Variants in LCMT1 observed in about 807,000 individuals in gnomAD.
LCMT1 encodes [Phosphatase 2A protein]-leucine-carboxy methyltransferase 1.
LCMT1 carries 32 observed loss-of-function variants against 47.7 expected under a neutral mutation model. The ratio of observed to expected loss-of-function variants is 0.67; its 90% confidence interval spans 0.51 to 0.90. LCMT1 has a LOEUF of 0.90. Among genes scored for constraint, LCMT1 ranks in the 40% least tolerant of loss-of-function variants. The probability of loss-of-function intolerance (pLI) is 0.00; values close to 1 mark genes in which losing one functional copy is unlikely to be tolerated. For synonymous variants in LCMT1, 152 were observed against 149.7 expected, an observed-to-expected ratio of 1.02 and a Z score of -0.11; for missense variants, 375 against 415.2, an observed-to-expected ratio of 0.90 and a Z score of 0.84.
chr16:25,138,559 T>G (rs1393000286), intron 3 of LCMT1, among the ~76,000 whole-genome samples: 1 of 151,960 alleles, frequency 6.6e-6, no homozygotes, highest in Non-Finnish European at 1.5e-5. Context: ...ATGTGTGTCT[T>G]TCATATTTGT....
rs1369951923 is a variant in LCMT1 at position 25,161,225 on chromosome 16, C to A, written c.569+21C>A. ...ACACAGTGAGATTTTTTTTTTTAAA[C>A]CTCTTCTGCATTTGTGATTTTATGC... is the stretch of plus-strand genomic sequence containing the variant. On this transcript the variant is annotated intron_variant, in intron 6 of 10. Transcript: ENST00000399069. 7.4e-6 allele frequency: 10 copies of A among 1,342,780 alleles called. No individual in the cohort carries two copies. The South Asian group carries it at 1.0e-4, about 13-fold the overall frequency. 83.2% of individuals were successfully genotyped at this position (1,342,780 alleles called of 1,614,324 possible). A position where few individuals can be genotyped will look rare whatever the true frequency, so the allele number is the denominator to read the frequency against.
At chr16:25,139,754 A>T (rs1237568886) in intron 3 of LCMT1, among the ~76,000 whole-genome samples, 6 of 151,510 alleles carry the variant, frequency 4.0e-5, no homozygotes, top group African/African-American at 1.5e-4. Context: ...ATGGCCTCAA[A>T]CTCCTGGCCT....
intron 5 of LCMT1, among the ~76,000 whole-genome samples, chr16:25,157,726 G>C (rs1331206942): frequency 6.6e-6 from 1 of 152,230 alleles, no homozygotes; most frequent in East Asian, 1.9e-4. Context: ...GGTTCATTCA[G>C]GTGGAACTTC....
chr16:25,130,636 A>T (rs561235786), intron 2 of LCMT1, among the ~76,000 whole-genome samples: 1 of 151,628 alleles, frequency 6.6e-6, no homozygotes, highest in South Asian at 2.1e-4. Flanking sequence ...ACAGAGCGAG[A>T]CCCTGTCTCA....
At chr16:25,112,547 C>G (rs1411993324) in intron 1 of LCMT1, among the ~76,000 whole-genome samples, 1 of 152,140 alleles carries the variant, frequency 6.6e-6, no homozygotes, top group African/African-American at 2.4e-5. Context: ...AGGTACGTGT[C>G]AGAGAAAGAG....
At chr16:25,118,905 G>A (rs1255682031) in intron 1 of LCMT1, among the ~76,000 whole-genome samples, 6 of 152,228 alleles carry the variant, frequency 3.9e-5, no homozygotes, top group South Asian at 2.1e-4. Context: ...GTAAGGACCC[G>A]ACTTTTCCTC....
At chr16:25,112,691 A>C (rs1005959479) in intron 1 of LCMT1, among the ~76,000 whole-genome samples, 1 of 152,256 alleles carries the variant, frequency 6.6e-6, no homozygotes, top group African/African-American at 2.4e-5. Flanking sequence ...AGAACAAGAC[A>C]GACATGGTGT....
intron 3 of LCMT1, among the ~76,000 whole-genome samples, chr16:25,133,722 A>G (rs1304224067): frequency 6.6e-6 from 1 of 151,040 alleles, no homozygotes; most frequent in Non-Finnish European, 1.5e-5. Flanking sequence ...TTAATAGCCA[A>G]ACCGTTTCCC....
intron 5 of LCMT1, among the ~76,000 whole-genome samples, chr16:25,152,777 C>T (rs1455161605): frequency 6.6e-6 from 1 of 152,170 alleles, no homozygotes; most frequent in Non-Finnish European, 1.5e-5. Flanking sequence ...ATCTGCTTCA[C>T]TCAATTCTGC....
intron 6 of LCMT1, among the ~76,000 whole-genome samples, chr16:25,162,434 CA>C (rs1170316373): frequency 6.6e-6 from 1 of 151,324 alleles, no homozygotes; most frequent in African/African-American, 2.4e-5. Flanking sequence ...ACTAAAAATA[CA>C]AAAAATCAGC....
intron 1 of LCMT1, among the ~76,000 whole-genome samples, chr16:25,120,470 G>T (rs1233459640): frequency 6.6e-6 from 1 of 151,172 alleles, no homozygotes; most frequent in Non-Finnish European, 1.5e-5. Flanking sequence ...TGTCACCCAG[G>T]CTGGAGTACA....
At chr16:25,175,619 C>T (rs545379720) in intron 10 of LCMT1, among the ~76,000 whole-genome samples, 9 of 152,080 alleles carry the variant, frequency 5.9e-5, no homozygotes, top group South Asian at 2.1e-4. Context: ...GCAAGAAGAG[C>T]GAAACCCTGT....
intron 8 of LCMT1, 76 bp from the exon 9 acceptor site, chr16:25,170,638 A>T: frequency 2.6e-6 from 3 of 1,175,588 alleles, no homozygotes; most frequent in Non-Finnish European, 3.8e-6. Flanking sequence ...TCTTTAAAAC[A>T]AAACAGTGTC....
At chr16:25,154,656 T>G (rs1961186834) in intron 5 of LCMT1, among the ~76,000 whole-genome samples, 1 of 151,800 alleles carries the variant, frequency 6.6e-6, no homozygotes, top group Non-Finnish European at 1.5e-5. Context: ...CCGGCTAATT[T>G]TTTTTGTATT....
At chr16:25,148,410 G>C (rs943939089) in intron 4 of LCMT1, among the ~76,000 whole-genome samples, 12 of 152,340 alleles carry the variant, frequency 7.9e-5, no homozygotes, top group Non-Finnish European at 1.3e-4. Context: ...AACAGACAGA[G>C]AAAAGCTCAC....
At position 25,151,798 on chromosome 16, in the gene LCMT1, C is replaced by G. The variant is rs61545721; in HGVS notation, c.466+183C>G. Reference sequence around the variant, plus strand: ...GGAAAGGAGAGCTTGCTTTCTCAGACAGGGTTGAGCCTGCAGGGTGGCCAT... The same window carrying G: ...GGAAAGGAGAGCTTGCTTTCTCAGAGAGGGTTGAGCCTGCAGGGTGGCCAT... On this transcript the variant is annotated intron_variant, in intron 5 of 10. Transcript: ENST00000399069. 8.8e-3 allele frequency among the ~76,000 whole-genome samples: 1,330 copies of G among 151,826 alleles called. 20 individuals are homozygous for G. The highest frequency in any genetic ancestry group is 0.031 in the African/African-American group (1,268 of 41,358).
chr16:25,168,708 T>C (rs1327733113), intron 7 of LCMT1, among the ~76,000 whole-genome samples: 1 of 152,246 alleles, frequency 6.6e-6, no homozygotes, highest in Non-Finnish European at 1.5e-5. Context: ...TTCATGTCTA[T>C]ATCTGTCTTC....
At chr16:25,177,875 GA>G in intron 10 of LCMT1, 125 bp from the exon 11 acceptor site, 1 of 770,158 alleles carries the variant, frequency 1.3e-6, no homozygotes, top group Non-Finnish European at 2.3e-6. Context: ...TATGTAGCAG[GA>G]GGGCGGTGCT....
intron 4 of LCMT1, among the ~76,000 whole-genome samples, chr16:25,149,744 T>C (rs1961012232): frequency 6.6e-6 from 1 of 151,848 alleles, no homozygotes; most frequent in Non-Finnish European, 1.5e-5. Flanking sequence ...TGAAACCTCG[T>C]CTCTACTAAA....
Sources: allele counts gnomAD v4.1 joint callset (sites outside exome capture counted in the v4.1 genomes callset), GRCh38; gene constraint gnomAD v4.1.1; transcripts MANE v1.5; gene names NCBI Gene and HGNC (gene_info 2026-07-23, HGNC 2026-07-21).